Variants in EXT2 observed in about 807,000 individuals in gnomAD.
EXT2 encodes the protein exostosin-2.
EXT2 carries 53 observed loss-of-function variants against 81.6 expected under a neutral mutation model. The observed-to-expected ratio is 0.65, with a 90% CI of 0.52 to 0.82. EXT2 has a LOEUF of 0.82. Among genes scored for constraint, EXT2 ranks in the 40% least tolerant of loss-of-function variants. EXT2 has a pLI of 0.00. For synonymous variants in EXT2, 320 were observed against 340.0 expected (o/e 0.94, Z 0.65); for missense variants, 774 against 910.2 (o/e 0.85, Z 1.93).
At chr11:44,181,944 A>G (rs1192728460) in intron 8 of EXT2, among the ~76,000 whole-genome samples, 1 of 152,184 alleles carries the variant, frequency 6.6e-6, no homozygotes, top group Non-Finnish European at 1.5e-5. Context: ...ACTTAGGTTA[A>G]GAGGATGGGG....
At chr11:44,191,869 A>G (rs1955395836) in intron 8 of EXT2, among the ~76,000 whole-genome samples, 1 of 152,186 alleles carries the variant, frequency 6.6e-6, no homozygotes, top group African/African-American at 2.4e-5. Flanking sequence ...ATGCTTGAGG[A>G]AGGGAAAAGC....
chr11:44,218,760 C>CAAGGAGAGTAA (rs1486088279), intron 10 of EXT2, among the ~76,000 whole-genome samples: 3 of 143,244 alleles, frequency 2.1e-5, no homozygotes, highest in African/African-American at 7.7e-5. Context: ...TATGTGTATT[C>CAAGGAGAGTAA]AAGGAGAGTA....
chr11:44,179,296 G>A lies in EXT2; in HGVS notation c.1305+7554G>A, dbSNP rs146289990. On this transcript the variant is annotated intron_variant, in intron 8 of 13. Transcript: ENST00000533608. ...ATGTGCCTGTGTAACACACATCTGCGTGGCAGCCCCAGTGGTGGTGCTGGA... is the reference window on the plus strand; with the variant it reads ...ATGTGCCTGTGTAACACACATCTGCATGGCAGCCCCAGTGGTGGTGCTGGA... Among the ~76,000 whole-genome samples the A allele has an allele frequency of 2.3e-3, 351 of 152,280 alleles. 1 individual carries two copies. Among genetic ancestry groups the A allele is most frequent in the African/African-American group, 8.1e-3 (338 of 41,554 alleles).
chr11:44,115,701 A>G (rs1954213542), intron 4 of EXT2, among the ~76,000 whole-genome samples: 1 of 152,238 alleles, frequency 6.6e-6, no homozygotes, highest in Non-Finnish European at 1.5e-5. Flanking sequence ...TATTTCAGAC[A>G]TCTCCTTAGA....
At chr11:44,128,105 G>C (rs548812594) in intron 6 of EXT2, among the ~76,000 whole-genome samples, 4 of 152,120 alleles carry the variant, frequency 2.6e-5, no homozygotes, top group Non-Finnish European at 5.9e-5. Context: ...GATCACCACA[G>C]GTATTTGAAC....
At chr11:44,115,618 A>G (rs1483847516) in intron 4 of EXT2, among the ~76,000 whole-genome samples, 1 of 152,208 alleles carries the variant, frequency 6.6e-6, no homozygotes, top group African/African-American at 2.4e-5. Context: ...GACACTAAAA[A>G]TGTTGTATTT....
chr11:44,166,536 G>T (rs1177256906), intron 7 of EXT2, among the ~76,000 whole-genome samples: 1 of 152,200 alleles, frequency 6.6e-6, no homozygotes, highest in East Asian at 1.9e-4. Context: ...CATTGTGCAT[G>T]CTTTGCTTTC....
chr11:44,096,366 C>CG (rs1287002394), intron 1 of EXT2: 7 of 1,513,412 alleles, frequency 4.6e-6, no homozygotes, highest in Non-Finnish European at 4.4e-6. Context: ...ACTGGGTGGT[C>CG]GGGGGCGTGT....
At chr11:44,206,278 A>G (rs1481747826) in intron 9 of EXT2, among the ~76,000 whole-genome samples, 1 of 152,182 alleles carries the variant, frequency 6.6e-6, no homozygotes, top group Non-Finnish European at 1.5e-5. Flanking sequence ...CATGCACTAT[A>G]TTTCCTAGCA....
At chr11:44,208,353 T>G (rs1353570524) in intron 10 of EXT2, among the ~76,000 whole-genome samples, 1 of 152,186 alleles carries the variant, frequency 6.6e-6, no homozygotes, top group Non-Finnish European at 1.5e-5. Flanking sequence ...TTAAGTATTT[T>G]CAGTTGGTCT....
intron 7 of EXT2, among the ~76,000 whole-genome samples, chr11:44,155,776 A>G (rs1434119893): frequency 1.3e-5 from 2 of 152,178 alleles, no homozygotes; most frequent in Non-Finnish European, 2.9e-5. Flanking sequence ...TTTACACACC[A>G]TAATTACAGT....
chr11:44,124,142 T>C (rs1354221270), intron 4 of EXT2, among the ~76,000 whole-genome samples: 1 of 152,258 alleles, frequency 6.6e-6, no homozygotes, highest in Non-Finnish European at 1.5e-5. Context: ...GGAGATTCTA[T>C]GCTTTGATGA....
chr11:44,145,118 G>A (rs758466405), intron 7 of EXT2, among the ~76,000 whole-genome samples: 71 of 152,036 alleles, frequency 4.7e-4, no homozygotes, highest in Middle Eastern at 3.4e-3. Flanking sequence ...TTGTCCTCCC[G>A]CATCTGCTTG....
intron 1 of EXT2, among the ~76,000 whole-genome samples, chr11:44,102,440 G>T (rs913177486): frequency 9.3e-5 from 14 of 151,144 alleles, no homozygotes; most frequent in African/African-American, 2.9e-4. Flanking sequence ...GCTTTGCCCT[G>T]TTGCCTGTCT....
intron 13 of EXT2, among the ~76,000 whole-genome samples, chr11:44,243,562 T>C (rs10742698): frequency 0.99 from 149,603 of 151,078 alleles, 74,088 homozygotes; most frequent in Non-Finnish European, 1. Flanking sequence ...ACAGGCCCTC[T>C]GTCAATGTTG....
chr11:44,201,112 G>A (rs1278681818), intron 9 of EXT2, among the ~76,000 whole-genome samples: 1 of 152,158 alleles, frequency 6.6e-6, no homozygotes, highest in Non-Finnish European at 1.5e-5. Context: ...TATTTCGTCT[G>A]TTATAGGTTC....
chr11:44,230,921 T>C (rs1415689965), intron 10 of EXT2, among the ~76,000 whole-genome samples: 1 of 152,128 alleles, frequency 6.6e-6, no homozygotes, highest in Non-Finnish European at 1.5e-5. Flanking sequence ...GCAACACTTG[T>C]GTGTTGGGGA....
In EXT2 at chr11:44,197,843, G is replaced by A. The variant is rs761713789; in HGVS notation, c.1320G>A (p.Val440=). The A allele has an allele frequency of 5.0e-6, 8 of 1,613,876 alleles. No individual in the cohort carries two copies. The highest frequency in any genetic ancestry group is 6.8e-6 in the Non-Finnish European group (8 of 1,179,960). ...TCCTCTTGTAGAAGTGGGGCAGCGTGAGCAATCCACTCTTCCTCCCGCTGA... is the reference window on the plus strand; with the variant it reads ...TCCTCTTGTAGAAGTGGGGCAGCGTAAGCAATCCACTCTTCCTCCCGCTGA... ...NDPPAVKWGS[V]SNPLFLPLIP... is the part of the protein sequence containing the mutation. The change falls in exon 9 of 14, where the codon GTG becomes GTA. Residue 440 remains valine (V), a synonymous_variant. Transcript: ENST00000533608.
intron 7 of EXT2, among the ~76,000 whole-genome samples, chr11:44,154,820 G>T (rs187584772): frequency 3.9e-4 from 59 of 152,036 alleles, no homozygotes; most frequent in Non-Finnish European, 6.5e-4. Context: ...CTGTCTTTTG[G>T]TTAAAAGCCA....
Sources: gnomAD v4.1 joint callset for allele counts (sites outside exome capture counted in the v4.1 genomes callset) on GRCh38, gnomAD v4.1.1 for gene constraint, MANE v1.5 for transcripts, NCBI Gene and HGNC (gene_info 2026-07-23, HGNC 2026-07-21) for gene names.